The following VPS13B variants were observed in gnomAD, a reference collection of about 807,000 sequenced individuals.
VPS13B encodes vacuolar protein sorting 13 homolog B.
Under a neutral mutation model 426.4 loss-of-function variants are expected in VPS13B, and 285 were observed. That is an observed-to-expected ratio of 0.67 (90% confidence interval 0.61 to 0.74). The LOEUF is 0.74. Among genes scored for constraint, VPS13B ranks in the 30% least tolerant of loss-of-function variants. The pLI, the probability that VPS13B is intolerant of heterozygous loss-of-function variation, is 0.00. For synonymous variants in VPS13B, 1,676 were observed against 1,676.4 expected (o/e 1.00, Z 0.01); for missense variants, 4,537 against 4,782.6 (o/e 0.95, Z 1.51).
At chr8:99,085,724 G>T (rs550968890) in intron 3 of VPS13B, among the ~76,000 whole-genome samples, 8 of 152,222 alleles carry the variant, frequency 5.3e-5, no homozygotes, top group African/African-American at 1.9e-4. Flanking sequence ...AATTTGGCTG[G>T]ATATGAAATT....
At chr8:99,368,333 A>AAC (rs562575073) in intron 19 of VPS13B, among the ~76,000 whole-genome samples, 2 of 152,278 alleles carry the variant, frequency 1.3e-5, no homozygotes, top group East Asian at 3.9e-4. Flanking sequence ...CCCCTACCCC[A>AAC]ACACACACAC....
intron 45 of VPS13B, 103 bp downstream of exon 45, chr8:99,817,906 T>C (rs951646516): frequency 1.3e-6 from 2 of 1,559,322 alleles, no homozygotes; most frequent in African/African-American, 2.7e-5. Context: ...AAGTGACATA[T>C]AAAAAAGGGG....
chr8:99,556,885 GA>G (rs5893492), intron 31 of VPS13B, among the ~76,000 whole-genome samples: 26 of 150,544 alleles, frequency 1.7e-4, no homozygotes, highest in African/African-American at 6.3e-4. Context: ...TGTTAGCATA[GA>G]AAAAAAAAGC....
chr8:99,575,886 G>C, intron 32 of VPS13B, 102 bp downstream of exon 32: 2 of 1,182,840 alleles, frequency 1.7e-6, no homozygotes, highest in Non-Finnish European at 2.4e-6. Context: ...CTTCAAATTA[G>C]CTCATTAATA....
At chr8:99,381,353 CTG>C (rs1252214966) in intron 19 of VPS13B, among the ~76,000 whole-genome samples, 1 of 152,086 alleles carries the variant, frequency 6.6e-6, no homozygotes, top group Non-Finnish European at 1.5e-5. Flanking sequence ...GTGAATAGTG[CTG>C]TGGGGAACAT....
intron 30 of VPS13B, among the ~76,000 whole-genome samples, chr8:99,552,643 C>T (rs1230041645): frequency 2.6e-5 from 4 of 151,114 alleles, no homozygotes; most frequent in Non-Finnish European, 5.9e-5. Flanking sequence ...ATTACCTTGT[C>T]CATTTCTACA....
At chr8:99,178,684 C>T (rs574928318) in intron 16 of VPS13B, among the ~76,000 whole-genome samples, 47 of 152,034 alleles carry the variant, frequency 3.1e-4, no homozygotes, top group African/African-American at 9.9e-4. Flanking sequence ...TGTAGTGGCA[C>T]GATCTCGACT....
intron 3 of VPS13B, among the ~76,000 whole-genome samples, chr8:99,085,078 A>G (rs560758940): frequency 2.1e-3 from 324 of 152,024 alleles, no homozygotes; most frequent in Non-Finnish European, 3.5e-3. Flanking sequence ...TTATTATTGT[A>G]TGGGAGTCTA....
chr8:99,841,495 T>A (rs12548827), intron 54 of VPS13B, among the ~76,000 whole-genome samples: 18,630 of 152,256 alleles, frequency 0.12, 1,187 homozygotes, highest in Non-Finnish European at 0.13. Context: ...TGGATTCAGA[T>A]AATATTGAAT....
chr8:99,805,008 A>G (rs536650870), intron 43 of VPS13B, among the ~76,000 whole-genome samples: 3 of 151,946 alleles, frequency 2.0e-5, no homozygotes, highest in Admixed American at 6.6e-5. Context: ...CTAAAACATA[A>G]TAAAATAAAT....
At position 99,870,885 on chromosome 8, in the gene VPS13B, C is replaced by G; in HGVS notation, c.11493C>G (p.Val3831=). ...DQAPNSHVKY[V]WKMLQSLGRP... is the part of the protein sequence containing the mutation. ...CTCCAAACAGCCATGTCAAATATGT[C>G]TGGTAAAATTATTGAGATACGTGCT... Residue 3831 remains valine, a splice_region_variant and synonymous_variant, in exon 60 of 62, where the codon GTC becomes GTG. Transcript: ENST00000357162. 1 of 1,613,866 alleles carries G rather than the reference C, an allele frequency of 6.2e-7. No homozygotes were observed. Among genetic ancestry groups the G allele is most frequent in the Non-Finnish European group, 8.5e-7 (1 of 1,179,764 alleles).
intron 17 of VPS13B, among the ~76,000 whole-genome samples, chr8:99,221,043 G>T (rs564856099): frequency 1.0e-5 from 1 of 97,954 alleles, no homozygotes; most frequent in African/African-American, 4.0e-5. Flanking sequence ...GCGGTGTTTG[G>T]TTTTTTGTTC....
At chr8:99,685,439 A>G (rs1040912104) in intron 35 of VPS13B, among the ~76,000 whole-genome samples, 1 of 152,204 alleles carries the variant, frequency 6.6e-6, no homozygotes, top group Non-Finnish European at 1.5e-5. Flanking sequence ...ATCTACTTTC[A>G]AACTTATTCC....
chr8:99,144,250 G>C (rs529596358), intron 13 of VPS13B, among the ~76,000 whole-genome samples: 1 of 152,074 alleles, frequency 6.6e-6, no homozygotes, highest in African/African-American at 2.4e-5. Flanking sequence ...CCAGTAGTTA[G>C]GGAGGCCAAG....
chr8:99,745,906 C>CT (rs983575466), intron 39 of VPS13B, among the ~76,000 whole-genome samples: 15 of 152,000 alleles, frequency 9.9e-5, no homozygotes, highest in African/African-American at 3.4e-4. Flanking sequence ...ATATTATACT[C>CT]TATCTATATT....
chr8:99,148,048 A>C, intron 14 of VPS13B, 38 bp downstream of exon 14: 1 of 1,554,994 alleles, frequency 6.4e-7, no homozygotes, highest in Non-Finnish European at 8.8e-7. Flanking sequence ...TTTCCCTCAT[A>C]TATGGATTTT....
chr8:99,353,328 A>C (rs111257103), intron 19 of VPS13B, among the ~76,000 whole-genome samples: 220 of 152,266 alleles, frequency 1.4e-3, no homozygotes, highest in African/African-American at 5.0e-3. Context: ...CCTTGGAAAA[A>C]ACTGATAAAA....
At chr8:99,837,478 A>G (rs1322000680) in intron 54 of VPS13B, among the ~76,000 whole-genome samples, 1 of 152,178 alleles carries the variant, frequency 6.6e-6, no homozygotes, top group Non-Finnish European at 1.5e-5. Flanking sequence ...TGACTGGGGA[A>G]TTCTTTACGA....
At chr8:99,773,282 A>AT (rs1811601080) in intron 40 of VPS13B, among the ~76,000 whole-genome samples, 1 of 152,212 alleles carries the variant, frequency 6.6e-6, no homozygotes, top group Admixed American at 6.5e-5. Flanking sequence ...TACCTTGGTC[A>AT]TTCTCTGCTT....
Sources: gnomAD v4.1 joint callset for allele counts (sites outside exome capture counted in the v4.1 genomes callset) on GRCh38, gnomAD v4.1.1 for gene constraint, MANE v1.5 for transcripts, NCBI Gene and HGNC (gene_info 2026-07-23, HGNC 2026-07-21) for gene names.